The following PML variants were observed in gnomAD, a reference collection of about 807,000 sequenced individuals.
PML encodes PML nuclear body scaffold, also known as protein PML.
A neutral mutation model predicts 65.2 loss-of-function variants in PML; 28 were observed. The ratio of observed to expected loss-of-function variants is 0.43; its 90% CI spans 0.32 to 0.59. The LOEUF is 0.59. Ranked by LOEUF, PML falls within the 20% of genes least tolerant of loss-of-function variation. PML has a pLI of 0.08. For missense variants in PML, 1,021 were observed against 1,203.4 expected, an observed-to-expected ratio of 0.85 and a Z score of 2.24; for synonymous variants, 500 against 508.8, an observed-to-expected ratio of 0.98 and a Z score of 0.23.
intron 2 of PML, among the ~76,000 whole-genome samples, chr15:74,004,524 C>T (rs1306689969): frequency 6.6e-6 from 1 of 151,966 alleles, no homozygotes; most frequent in Non-Finnish European, 1.5e-5. Flanking sequence ...CTGGTCTAAA[C>T]TCCTGGCTTC....
chr15:74,002,933 C>T (rs1245001172), intron 2 of PML, among the ~76,000 whole-genome samples: 1 of 152,074 alleles, frequency 6.6e-6, no homozygotes, highest in Non-Finnish European at 1.5e-5. Flanking sequence ...TGAGGCCAGC[C>T]TGGGCAATAT....
chr15:74,019,482 C>T (rs1281760698), intron 2 of PML, among the ~76,000 whole-genome samples: 9 of 152,208 alleles, frequency 5.9e-5, no homozygotes, highest in African/African-American at 2.2e-4. Context: ...ATTCACAAGG[C>T]TCAAACATAA....
chr15:73,997,938 T>G (rs1595874888), intron 1 of PML, 66 bp from the exon 2 acceptor site: 1 of 1,348,206 alleles, frequency 7.4e-7, no homozygotes, highest in East Asian at 2.3e-5. Flanking sequence ...GCTGTAAGGG[T>G]GGTTGGCCGG....
At position 74,011,289 on chromosome 15, in the gene PML, C is replaced by T. The variant is rs374393355; in HGVS notation, c.603-11539C>T. Among the ~76,000 whole-genome samples the T allele has an allele frequency of 2.1e-4, 32 of 152,292 alleles. No homozygotes were observed. In the East Asian group the frequency reaches 3.5e-3, roughly 17 times the overall value. ...GGTTCCTCTCCCTGCAAGGGTGGCTCAGGCTAGGGGGGTTCTCAGATTAGC... is the reference window on the plus strand; with the variant it reads ...GGTTCCTCTCCCTGCAAGGGTGGCTTAGGCTAGGGGGGTTCTCAGATTAGC... On this transcript the variant is annotated intron_variant, in intron 2 of 8. Transcript: ENST00000268058.
chr15:74,033,647 T>C lies in PML; in HGVS notation c.1657+233T>C, dbSNP rs1023738743. The stretch of plus-strand genomic sequence containing the variant: ...AGCCTGACAGGCTAAAATGCACAGT[T>C]CTATGAGTCCTTTCTCCCAAACACT... On this transcript the variant is annotated intron_variant, in intron 6 of 8. Coordinates refer to ENST00000268058, the MANE Select transcript of PML (RefSeq NM_033238.3). The C allele has an allele frequency of 1.6e-5, 11 of 681,558 alleles. No homozygotes were observed. The East Asian group carries it at 2.7e-4, about 17-fold the overall frequency. 42.2% of individuals were successfully genotyped at this position (681,558 alleles called of 1,614,324 possible). A position where few individuals can be genotyped will look rare whatever the true frequency, so the allele number is the denominator to read the frequency against.
intron 3 of PML, 144 bp from the exon 4 acceptor site, chr15:74,024,713 G>A (rs958301063): frequency 2.8e-6 from 2 of 706,896 alleles, no homozygotes; most frequent in Non-Finnish European, 5.2e-6. Context: ...GCCCCTCCAG[G>A]GAGTTGTCCA....
chr15:74,036,916 TC>T, intron 7 of PML: 3 of 985,038 alleles, frequency 3.0e-6, no homozygotes, highest in Non-Finnish European at 2.4e-6. Flanking sequence ...AGCCTCCTGT[TC>T]CTTGAGCTCT....
At chr15:74,023,985 T>G (rs1026607043) in intron 3 of PML, among the ~76,000 whole-genome samples, 1 of 152,080 alleles carries the variant, frequency 6.6e-6, no homozygotes, top group Non-Finnish European at 1.5e-5. Context: ...GTTTCTGATC[T>G]CAAGGAGCCA....
rs1473175056 is a variant in PML at position 74,043,185 on chromosome 15, T to C, written c.1861+46T>C. 6.2e-7 allele frequency: 1 copy of C among 1,614,058 alleles called. No homozygotes were observed. The highest frequency in any genetic ancestry group is 8.5e-7 in the Non-Finnish European group (1 of 1,180,016). The stretch of plus-strand genomic sequence containing the variant: ...CCCCACCCCTTTCTAATTTAGTCTC[T>C]GAGTCCCAAAAAGAAGTGCAGGCAG... On this transcript the variant is annotated intron_variant, in intron 8 of 8. Transcript: ENST00000268058. This position sits in a 1 kb window ranked among gnomAD's most constrained non-coding sequence, Gnocchi z 4.3.
chr15:74,018,322 C>CAAA (rs10663510), intron 2 of PML, among the ~76,000 whole-genome samples: 5,362 of 94,698 alleles, frequency 0.057, 190 homozygotes, highest in East Asian at 0.22. Flanking sequence ...GACTCAGTCT[C>CAAA]AAAAAAAAAA....
In PML at chr15:74,033,866, A is replaced by G. The variant is rs146748603; in HGVS notation, c.1657+452A>G. ...CACCTACCTAAGTATCTCATTTGTC[A>G]GAGTTATCTTCTATGAACACTGCCA... On this transcript the variant is annotated intron_variant, in intron 6 of 8. Coordinates refer to ENST00000268058, the MANE Select transcript of PML (RefSeq NM_033238.3). 25 of 474,612 alleles carry G rather than the reference A, an allele frequency of 5.3e-5. No homozygotes were observed. In the East Asian group the frequency reaches 8.4e-4, roughly 16 times the overall value. The allele number at this position is 474,612 out of a possible 1,614,324, so 29.4% of individuals were successfully genotyped here.
chr15:73,998,285 C>T lies in PML; in HGVS notation c.411C>T (p.Asp137=), dbSNP rs1431577571. The T allele has an allele frequency of 6.2e-7, 1 of 1,614,230 alleles. No individual in the cohort carries two copies. Among genetic ancestry groups the T allele is most frequent in the Non-Finnish European group, 8.5e-7 (1 of 1,180,030 alleles). The change falls in exon 2 of 9, where the codon GAC becomes GAT. Residue 137 remains aspartate, a synonymous_variant. Coordinates refer to ENST00000268058, the MANE Select transcript of PML (RefSeq NM_033238.3). ...AVCTRCKESA[D]FWCFECEQLL... is the part of the protein sequence containing the mutation. The stretch of plus-strand genomic sequence containing the variant: ...GCACCCGCTGCAAAGAGTCGGCCGA[C>T]TTCTGGTGCTTTGAGTGCGAGCAGC...
At chr15:74,009,673 C>T (rs1414513677) in intron 2 of PML, among the ~76,000 whole-genome samples, 1 of 148,250 alleles carries the variant, frequency 6.7e-6, no homozygotes, top group African/African-American at 2.5e-5. Context: ...TGCAGTGGCA[C>T]AGTCATGGCT....
In PML at chr15:74,046,191, G is replaced by C. The variant is rs994163021; in HGVS notation, c.*1183G>C. The C allele has an allele frequency of 2.1e-5, 5 of 233,082 alleles. No individual in the cohort carries two copies. The highest frequency in any genetic ancestry group is 4.2e-5 in the Non-Finnish European group (5 of 117,992). 14.4% of individuals were successfully genotyped at this position (233,082 alleles called of 1,614,324 possible). The stretch of plus-strand genomic sequence containing the variant: ...TGGAAAGCAGGCCTCTGAGGCAGTG[G>C]ACAGGAAGACTTCTCATCCTTGAAT... On this transcript the variant is annotated 3_prime_UTR_variant, in exon 9 of 9. Coordinates refer to ENST00000268058, the MANE Select transcript of PML (RefSeq NM_033238.3).
chr15:74,020,194 G>A (rs1444983300), intron 2 of PML, among the ~76,000 whole-genome samples: 2 of 151,698 alleles, frequency 1.3e-5, no homozygotes, highest in Admixed American at 1.3e-4. Context: ...TGGCTGGCTA[G>A]TAGGCTCTCT....
chr15:74,021,115 C>T (rs1006432440), intron 2 of PML, among the ~76,000 whole-genome samples: 3 of 152,178 alleles, frequency 2.0e-5, no homozygotes, highest in African/African-American at 4.8e-5. Context: ...ACTTACTAAT[C>T]GTGTGATCTT....
rs1014608652 is a variant in PML, at chr15:74,046,642, T to C, written c.*1634T>C. 15 of 232,660 alleles carry C rather than the reference T, an allele frequency of 6.4e-5. No individual in the cohort carries two copies. Among genetic ancestry groups the C allele is most frequent in the Non-Finnish European group, 9.3e-5 (11 of 117,750 alleles). The allele number at this position is 232,660 out of a possible 1,614,324, so 14.4% of individuals were successfully genotyped here. On this transcript the variant is annotated 3_prime_UTR_variant, in exon 9 of 9. Coordinates refer to ENST00000268058, the MANE Select transcript of PML (RefSeq NM_033238.3). The stretch of plus-strand genomic sequence containing the variant: ...ACCGATGGAAACAGATTGATGCAGA[T>C]GGAAGGAGGAAGGGAGACTGGGCCC...
Position 74,033,817 on chromosome 15 carries a change from T to C in PML, c.1657+403T>C, listed in dbSNP as rs558236047. The C allele has an allele frequency of 2.3e-5, 12 of 524,448 alleles. No homozygotes were observed. In the East Asian group the frequency reaches 2.6e-4, roughly 12 times the overall value. The allele number at this position is 524,448 out of a possible 1,614,324, so 32.5% of individuals were successfully genotyped here. ...TGCTCTCTCAGTCTACACCCATCAT[T>C]TCCCCAAGTGTTTCTGCAAAGGCCA... is the stretch of plus-strand genomic sequence containing the variant. On this transcript the variant is annotated intron_variant, in intron 6 of 8. Coordinates refer to ENST00000268058, the MANE Select transcript of PML (RefSeq NM_033238.3).
intron 8 of PML, 132 bp from the exon 9 acceptor site, chr15:74,044,089 G>A (rs986439814): frequency 3.2e-5 from 26 of 819,040 alleles, no homozygotes; most frequent in Non-Finnish European, 5.2e-5. Context: ...GGGGGCTGAT[G>A]TGTGGCTACT....
Sources: allele counts gnomAD v4.1 joint callset (sites outside exome capture counted in the v4.1 genomes callset), GRCh38; gene constraint gnomAD v4.1.1; non-coding constraint Gnocchi (gnomAD v3.1); transcripts MANE v1.5; gene names NCBI Gene and HGNC (gene_info 2026-07-23, HGNC 2026-07-21).